Variants in GLCCI1 observed in about 807,000 individuals in gnomAD.
GLCCI1 encodes glucocorticoid induced 1, also known as glucocorticoid-induced transcript 1 protein.
A neutral mutation model predicts 52.2 loss-of-function variants in GLCCI1; 24 were observed. The observed-to-expected ratio is 0.46, with a 90% CI of 0.33 to 0.65. The LOEUF (loss-of-function observed/expected upper bound fraction) is 0.65. GLCCI1 is among the 30% of genes least tolerant of loss of function. The pLI, the probability that GLCCI1 is intolerant of heterozygous loss-of-function variation, is 0.02. For synonymous variants in GLCCI1, 310 were observed against 276.5 expected (o/e 1.12, Z -1.20); for missense variants, 704 against 701.5 (o/e 1.00, Z -0.04).
At chr7:8,039,432 A>T (rs2127954140) in intron 3 of GLCCI1, among the ~76,000 whole-genome samples, 1 of 152,298 alleles carries the variant, frequency 6.6e-6, no homozygotes, top group African/African-American at 2.4e-5. Context: ...ATGTATATAC[A>T]CACACCACGG....
chr7:7,972,860 C>A (rs35149843), intron 1 of GLCCI1, among the ~76,000 whole-genome samples: 41 of 152,012 alleles, frequency 2.7e-4, no homozygotes, highest in African/African-American at 9.4e-4. Context: ...AATAGAAATA[C>A]GTAAATTGCC....
intron 3 of GLCCI1, among the ~76,000 whole-genome samples, chr7:8,047,514 G>A (rs1479652384): frequency 6.6e-6 from 1 of 152,150 alleles, no homozygotes; most frequent in African/African-American, 2.4e-5. Flanking sequence ...ACAAAGACAA[G>A]TACATGCTGA....
intron 2 of GLCCI1, among the ~76,000 whole-genome samples, chr7:8,008,327 C>T (rs1781198557): frequency 6.6e-6 from 1 of 150,856 alleles, no homozygotes; most frequent in Non-Finnish European, 1.5e-5. Flanking sequence ...GTTCTGTTGC[C>T]CAGGCTGGAG....
chr7:7,990,555 G>A (rs540100027), intron 1 of GLCCI1, among the ~76,000 whole-genome samples: 1 of 152,172 alleles, frequency 6.6e-6, no homozygotes, highest in South Asian at 2.1e-4. Context: ...AATCTTTTAT[G>A]CACAATATTT....
intron 3 of GLCCI1, among the ~76,000 whole-genome samples, chr7:8,045,473 C>G (rs1282495644): frequency 6.6e-6 from 1 of 152,086 alleles, no homozygotes; most frequent in Non-Finnish European, 1.5e-5. Flanking sequence ...TGTACAGAAA[C>G]CTAGGTAATC....
At chr7:7,997,697 G>A (rs1392808093) in intron 1 of GLCCI1, among the ~76,000 whole-genome samples, 4 of 152,104 alleles carry the variant, frequency 2.6e-5, no homozygotes, top group Non-Finnish European at 4.4e-5. Flanking sequence ...GGAGGCCGAG[G>A]CAGGCAGATC....
intron 3 of GLCCI1, among the ~76,000 whole-genome samples, chr7:8,046,010 T>C (rs1444635246): frequency 6.6e-6 from 1 of 150,942 alleles, no homozygotes; most frequent in African/African-American, 2.4e-5. Context: ...AATGAAGTCA[T>C]AATTCACTAT....
intron 3 of GLCCI1, chr7:8,024,576 T>A (rs544622047): frequency 6.6e-6 from 1 of 152,206 alleles, no homozygotes; most frequent in African/African-American, 2.4e-5. Context: ...ATAGTAAATA[T>A]GTGGATAAAT....
At chr7:8,028,372 T>G (rs1489080562) in intron 3 of GLCCI1, among the ~76,000 whole-genome samples, 1 of 152,008 alleles carries the variant, frequency 6.6e-6, no homozygotes, top group African/African-American at 2.4e-5. Context: ...AATGAGTCAA[T>G]GAAGAAATGA....
chr7:7,999,624 G>T (rs936188732), intron 1 of GLCCI1, among the ~76,000 whole-genome samples: 1 of 151,580 alleles, frequency 6.6e-6, no homozygotes, highest in Non-Finnish European at 1.5e-5. Flanking sequence ...AAAGAACAAG[G>T]CTGGGAGTGG....
intron 5 of GLCCI1, among the ~76,000 whole-genome samples, chr7:8,066,574 A>G (rs1390907983): frequency 1.3e-5 from 2 of 150,248 alleles, no homozygotes; most frequent in African/African-American, 4.9e-5. Flanking sequence ...AGAATCTAGT[A>G]TGTTGTATCT....
chr7:8,068,058 A>T (rs1482657713), intron 5 of GLCCI1, among the ~76,000 whole-genome samples: 1 of 151,856 alleles, frequency 6.6e-6, no homozygotes. Flanking sequence ...TATTCTTTTT[A>T]AAAAAAATTT....
intron 6 of GLCCI1, among the ~76,000 whole-genome samples, chr7:8,075,520 A>AT (rs1430927167): frequency 6.6e-6 from 1 of 152,244 alleles, no homozygotes; most frequent in African/African-American, 2.4e-5. Context: ...AAAAATAGCC[A>AT]TTTATATAAT....
chr7:7,988,105 TAG>T (rs1554258275), intron 1 of GLCCI1, among the ~76,000 whole-genome samples: 2 of 152,114 alleles, frequency 1.3e-5, no homozygotes, highest in Non-Finnish European at 2.9e-5. Flanking sequence ...TATGAGAATA[TAG>T]TCTTTCATCT....
At chr7:8,071,237 T>C (rs1019842683) in intron 6 of GLCCI1, 106 bp downstream of exon 6, 16 of 857,296 alleles carry the variant, frequency 1.9e-5, no homozygotes, top group Non-Finnish European at 2.9e-5. Context: ...AATGGTGACA[T>C]TGTCAAAGAT....
chr7:8,001,932 A>C (rs1275985905), intron 1 of GLCCI1, among the ~76,000 whole-genome samples: 1 of 152,100 alleles, frequency 6.6e-6, no homozygotes, highest in African/African-American at 2.4e-5. Context: ...AACATCACAC[A>C]CCAGGGCCTC....
chr7:7,982,431 T>G (rs894402921), intron 1 of GLCCI1, among the ~76,000 whole-genome samples: 2 of 152,228 alleles, frequency 1.3e-5, no homozygotes, highest in African/African-American at 4.8e-5. Context: ...TTTACACTAA[T>G]GTTATTGTTA....
At chr7:8,078,061 C>T (rs996201943) in intron 6 of GLCCI1, among the ~76,000 whole-genome samples, 9 of 151,710 alleles carry the variant, frequency 5.9e-5, no homozygotes, top group Admixed American at 2.0e-4. Context: ...GGTGAAACCC[C>T]GTCTCTACTA....
chr7:8,025,569 C>T (rs1781600518), intron 3 of GLCCI1, among the ~76,000 whole-genome samples: 1 of 151,976 alleles, frequency 6.6e-6, no homozygotes, highest in African/African-American at 2.4e-5. Flanking sequence ...GAAAAAGCCT[C>T]ATAGGAGAAA....
Sources: allele counts gnomAD v4.1 joint callset (sites outside exome capture counted in the v4.1 genomes callset), GRCh38; gene constraint gnomAD v4.1.1; transcripts MANE v1.5; gene names NCBI Gene and HGNC (gene_info 2026-07-23, HGNC 2026-07-21).